Variants in TFB1M observed in about 807,000 individuals in gnomAD.
TFB1M encodes transcription factor B1, mitochondrial.
Under a neutral mutation model 31.1 loss-of-function variants are expected in TFB1M, and 27 were observed. That is an observed-to-expected ratio of 0.87 (90% CI 0.64 to 1.20). The LOEUF is 1.20. TFB1M is among the 50% of genes most tolerant of loss of function. The probability of loss-of-function intolerance (pLI) is 0.00; values close to 1 mark genes in which losing one functional copy is unlikely to be tolerated. For missense variants in TFB1M, 394 were observed against 418.7 expected (o/e 0.94, Z 0.51); for synonymous variants, 166 against 151.8 (o/e 1.09, Z -0.69).
chr6:155,309,104 T>C (rs1052555613), intron 2 of TFB1M, among the ~76,000 whole-genome samples: 2 of 152,182 alleles, frequency 1.3e-5, no homozygotes, highest in African/African-American at 4.8e-5. Context: ...CCTTCACATT[T>C]AGAAAAAAGA....
intron 5 of TFB1M, among the ~76,000 whole-genome samples, chr6:155,279,492 T>C (rs1785389994): frequency 6.6e-6 from 1 of 152,166 alleles, no homozygotes; most frequent in Admixed American, 6.5e-5. Flanking sequence ...TTAGTCAGCA[T>C]AGTGAATAAG....
the TFB1M span, among the ~76,000 whole-genome samples, chr6:155,230,572 A>G: frequency 6.6e-6 from 1 of 152,174 alleles, no homozygotes; most frequent in South Asian, 2.1e-4. Flanking sequence ...TTATGGAAGC[A>G]GAATGTCTTA....
At chr6:155,284,874 G>A (rs900354587) in intron 5 of TFB1M, among the ~76,000 whole-genome samples, 2 of 152,010 alleles carry the variant, frequency 1.3e-5, no homozygotes, top group African/African-American at 2.4e-5. Flanking sequence ...TTCCATACAG[G>A]GATACTTTAA....
At chr6:155,304,990 G>A (rs186989304) in intron 2 of TFB1M, among the ~76,000 whole-genome samples, 101 of 147,606 alleles carry the variant, frequency 6.8e-4, no homozygotes, top group African/African-American at 2.4e-3. Context: ...TTCAAAAAAT[G>A]GTGTTAAAAA....
chr6:155,283,981 TAGG>T (rs1347551116), intron 5 of TFB1M, among the ~76,000 whole-genome samples: 3 of 152,210 alleles, frequency 2.0e-5, no homozygotes, highest in Admixed American at 6.5e-5. Flanking sequence ...CTAATTATTC[TAGG>T]AGAAGTCATT....
Position 155,256,153 on chromosome 6 carries a change from TTTA to T in TFB1M, c.*1680_*1682del, listed in dbSNP as rs1172948760. 2.7e-5 allele frequency: 13 copies of T among 482,932 alleles called. No homozygotes were observed. Among genetic ancestry groups the T allele is most frequent in the African/African-American group, 2.2e-4 (11 of 49,488 alleles). The allele number at this position is 482,932 out of a possible 1,614,324, so 29.9% of individuals were successfully genotyped here. A position where few individuals can be genotyped will look rare whatever the true frequency, so the allele number is the denominator to read the frequency against. On this transcript the variant is annotated 3_prime_UTR_variant, in exon 7 of 7. Coordinates refer to ENST00000367166, the MANE Select transcript of TFB1M (RefSeq NM_016020.4). The stretch of plus-strand genomic sequence containing the variant: ...CCTTAGTGAAAGAAAGGAGCCTAGA[TTTA>T]TTATTACCAATTAACTTTTCAACTT...
rs778393174 is a variant in TFB1M, at chr6:155,314,352, C to T, written c.77G>A (p.Arg26Lys). Reference protein sequence around the residue: ...PTIREIIKLLRLQAAKQLSQN... With the variant: ...PTIREIIKLLKLQAAKQLSQN... ...TGATAGCTGCTTCGCTGCTTGCAGT[C>T]TTAACAACTTAATGATTTCTCGAAT... The change falls in exon 1 of 7, where the codon AGA becomes AAA. Residue 26 changes from arginine (R) to lysine (K), a missense_variant. Physicochemically the swap from Arg to Lys is conservative, Grantham distance 26. Transcript: ENST00000367166. 1.2e-6 allele frequency: 2 copies of T among 1,614,238 alleles called. No individual in the cohort carries two copies. Among genetic ancestry groups the T allele is most frequent in the East Asian group, 2.2e-5 (1 of 44,874 alleles).
chr6:155,243,908 C>A, the TFB1M span: 3 of 651,018 alleles, frequency 4.6e-6, no homozygotes, highest in Middle Eastern at 2.9e-4. Flanking sequence ...CTTCATTATC[C>A]TGATGGGAGC....
chr6:155,296,060 TC>T (rs1777156974), intron 4 of TFB1M, among the ~76,000 whole-genome samples: 1 of 152,100 alleles, frequency 6.6e-6, no homozygotes, highest in Admixed American at 6.5e-5. Context: ...TGCACATCCG[TC>T]CTTATACCTT....
chr6:155,301,896 T>C lies in TFB1M; in HGVS notation c.286-3311A>G, dbSNP rs188144970. On this transcript the variant is annotated intron_variant, in intron 2 of 6. Coordinates refer to ENST00000367166, the MANE Select transcript of TFB1M (RefSeq NM_016020.4). ...AAGACTCCAAGAGATAATTTTTTTT[T>C]CCCTGGTATTATGCTTTGTAAAGGG... Among the ~76,000 whole-genome samples the C allele has an allele frequency of 4.1e-3, 621 of 152,310 alleles. 2 individuals carry two copies. The highest frequency in any genetic ancestry group is 9.6e-3 in the Admixed American group (147 of 15,302).
At chr6:155,268,354 C>T (rs992191836) in intron 5 of TFB1M, among the ~76,000 whole-genome samples, 1 of 152,170 alleles carries the variant, frequency 6.6e-6, no homozygotes, top group Non-Finnish European at 1.5e-5. Flanking sequence ...AAAGTGTTTC[C>T]CCTTAACCCT....
intron 5 of TFB1M, among the ~76,000 whole-genome samples, chr6:155,264,920 G>A (rs747550250): frequency 5.9e-5 from 9 of 152,164 alleles, no homozygotes; most frequent in Non-Finnish European, 1.2e-4. Flanking sequence ...AACAATTTCA[G>A]GGAGATGCAC....
Position 155,314,482 on chromosome 6 carries a change from T to C in TFB1M, c.-54A>G. 1.2e-6 allele frequency: 2 copies of C among 1,612,782 alleles called. No homozygotes were observed. The highest frequency in any genetic ancestry group is 1.7e-5 in the Admixed American group (1 of 60,016). On this transcript the variant is annotated 5_prime_UTR_variant, in exon 1 of 7. Coordinates refer to ENST00000367166, the MANE Select transcript of TFB1M (RefSeq NM_016020.4). ...CCTCACCCAGGACCTTCACCGCCGC[T>C]CCGAAAGAAACGCGCAGGGGAGGAA...
At chr6:155,244,023 C>G in the TFB1M span, 1 of 1,614,048 alleles carries the variant, frequency 6.2e-7, no homozygotes, top group Non-Finnish European at 8.5e-7. Flanking sequence ...TTTGAGCTGC[C>G]TCTTTGAATT....
the TFB1M span, chr6:155,244,976 C>T: frequency 2.4e-5 from 15 of 636,480 alleles, no homozygotes; most frequent in Admixed American, 3.9e-5. Flanking sequence ...TTTTTCCTGG[C>T]GCAGGTGCTT....
At chr6:155,254,244 A>C, downstream of TFB1M, 1 of 1,016,816 alleles carries the variant, frequency 9.8e-7, no homozygotes, top group Non-Finnish European at 1.4e-6. Flanking sequence ...TCAAAATCTT[A>C]AGAGTGATCA....
chr6:155,275,917 G>A, intron 5 of TFB1M: 1 of 1,614,138 alleles, frequency 6.2e-7, no homozygotes, highest in Non-Finnish European at 8.5e-7. Context: ...GCTGTGCCCT[G>A]AAACACTCCA....
At chr6:155,247,392 G>C in the TFB1M span, among the ~76,000 whole-genome samples, 1 of 151,998 alleles carries the variant, frequency 6.6e-6, no homozygotes, top group Non-Finnish European at 1.5e-5. Context: ...GCAGTGGCGC[G>C]ATCTTGGCTC....
At chr6:155,230,033 G>T in the TFB1M span, among the ~76,000 whole-genome samples, 1 of 151,938 alleles carries the variant, frequency 6.6e-6, no homozygotes, top group Admixed American at 6.6e-5. Context: ...TGAGATTTGG[G>T]TGGGGACACA....
Sources: allele counts gnomAD v4.1 joint callset (sites outside exome capture counted in the v4.1 genomes callset), GRCh38; gene constraint gnomAD v4.1.1; transcripts MANE v1.5; gene names NCBI Gene and HGNC (gene_info 2026-07-23, HGNC 2026-07-21).